Variants in GBA2 observed in about 807,000 individuals in gnomAD.
The protein encoded by GBA2 is glucosylceramidase beta 2, also known as non-lysosomal glucosylceramidase.
Under a neutral mutation model 112.9 loss-of-function variants are expected in GBA2, and 79 were observed. That is an observed-to-expected ratio of 0.70 (90% CI 0.58 to 0.84). GBA2 has a LOEUF of 0.84. Among genes scored for constraint, GBA2 ranks in the 40% least tolerant of loss-of-function variants. GBA2 has a pLI of 0.00. For synonymous variants in GBA2, 403 were observed against 434.3 expected (o/e 0.93, Z 0.90); for missense variants, 1,043 against 1,190.0 (o/e 0.88, Z 1.82).
chr9:35,741,706 C>T lies in GBA2; in HGVS notation c.752G>A (p.Arg251His), dbSNP rs769204863. 48 of 1,613,110 alleles carry T rather than the reference C, an allele frequency of 3.0e-5. No individual in the cohort carries two copies. The highest frequency in any genetic ancestry group is 1.6e-4 in the Middle Eastern group (1 of 6,084). Residue 251 changes from arginine (R) to histidine (H), a missense_variant, in exon 4 of 17, where the codon CGT (arginine) becomes CAT (histidine). Transcript: ENST00000378103. The surrounding 1 kb of genome is among the most constrained non-coding windows in gnomAD (Gnocchi z 4.6). The stretch of plus-strand genomic sequence containing the variant: ...ATGGGGCAAGATGGGTGTGATCTGA[C>T]GGCAGGTGAGGGTGACATTCTGGCC... ...LPGQNVTLTC[R>H]QITPILPHDY... is the part of the protein sequence containing the mutation.
Position 35,738,102 on chromosome 9 carries a change from T to A in GBA2, c.2248A>T (p.Met750Leu). Reference sequence around the variant, plus strand: ...CACTGTCCAGCACACTGGTCAGACATAACACTACGAGACTGAGGCCGAGAG... The same window carrying A: ...CACTGTCCAGCACACTGGTCAGACAAAACACTACGAGACTGAGGCCGAGAG... Reference protein sequence around the residue: ...SSSRPQSRSVMSDQCAGQWFL... With the variant: ...SSSRPQSRSVLSDQCAGQWFL... The change falls in exon 15 of 17, where the codon ATG (methionine) becomes TTG (leucine). Residue 750 changes from methionine (M) to leucine (L), a missense_variant. Physicochemically the swap from Met to Leu is conservative, Grantham distance 15. Coordinates refer to ENST00000378103, the MANE Select transcript of GBA2 (RefSeq NM_020944.3). 5.0e-6 allele frequency: 8 copies of A among 1,613,994 alleles called. No individual in the cohort carries two copies. Among genetic ancestry groups the A allele is most frequent in the Non-Finnish European group, 6.8e-6 (8 of 1,179,880 alleles).
Position 35,740,449 on chromosome 9 carries a change from T to A in GBA2, c.1129+77A>T. 1 of 1,558,526 alleles carries A rather than the reference T, an allele frequency of 6.4e-7. No individual in the cohort carries two copies. Among genetic ancestry groups the A allele is most frequent in the Non-Finnish European group, 8.8e-7 (1 of 1,133,816 alleles). On this transcript the variant is annotated intron_variant, in intron 6 of 16. Transcript: ENST00000378103. This position sits in a 1 kb window ranked among gnomAD's most constrained non-coding sequence, Gnocchi z 4.7. ...TAACATGGAAACAAGGCCTACTTAT[T>A]ACCAGGCCTCCCACCCCTGGTCCCA...
Position 35,738,223 on chromosome 9 carries a change from C to G in GBA2, c.2197+9G>C, listed in dbSNP as rs762268946. 2 of 1,614,050 alleles carry G rather than the reference C, an allele frequency of 1.2e-6. No homozygotes were observed. Among genetic ancestry groups the G allele is most frequent in the East Asian group, 2.2e-5 (1 of 44,892 alleles). ...CTGCCTTAAGACTACTTAGGCTCCC[C>G]GAACTCACCATTCCACAGCAGTCTC... On this transcript the variant is annotated intron_variant, in intron 14 of 16. Transcript: ENST00000378103.
chr9:35,745,366 C>T (rs1826919785), intron 1 of GBA2, among the ~76,000 whole-genome samples: 1 of 152,018 alleles, frequency 6.6e-6, no homozygotes, highest in South Asian at 2.1e-4. Context: ...CTCAGGTGAT[C>T]CGCCCGCCTC....
At position 35,739,009 on chromosome 9, in the gene GBA2, C is replaced by T; in HGVS notation, c.1788G>A (p.Gly596=). ...CTTGGGGTGGACTTTTACCTGGGTCCCCAATATCATGGGGGATGACGTTCC... is the reference window on the plus strand; with the variant it reads ...CTTGGGGTGGACTTTTACCTGGGTCTCCAATATCATGGGGGATGACGTTCC... ...KRRNVIPHDI[G]DPDDEPWLRV... is the part of the protein sequence containing the mutation. The change falls in exon 11 of 17, where the codon GGG becomes GGA. Residue 596 remains glycine (G), a synonymous_variant. Coordinates refer to ENST00000378103, the MANE Select transcript of GBA2 (RefSeq NM_020944.3). 1.2e-6 allele frequency: 2 copies of T among 1,611,778 alleles called. No individual in the cohort carries two copies. The highest frequency in any genetic ancestry group is 1.7e-6 in the Non-Finnish European group (2 of 1,178,094).
At position 35,738,850 on chromosome 9, in the gene GBA2, A is replaced by G. The variant is rs766623252; in HGVS notation, c.1849T>C (p.Trp617Arg). The change falls in exon 12 of 17, where the codon TGG becomes CGG. Residue 617 changes from tryptophan to arginine, a missense_variant. Coordinates refer to ENST00000378103, the MANE Select transcript of GBA2 (RefSeq NM_020944.3). ...NAYLIHDTAD[W>R]KDLNLKFVLQ... ...ACAAACTTCAGGTTCAGGTCCTTCCAATCAGCAGTATCATGGATTAAATAT... is the reference window on the plus strand; with the variant it reads ...ACAAACTTCAGGTTCAGGTCCTTCCGATCAGCAGTATCATGGATTAAATAT... 6.2e-7 allele frequency: 1 copy of G among 1,614,020 alleles called. No homozygotes were observed. The highest frequency in any genetic ancestry group is 8.5e-7 in the Non-Finnish European group (1 of 1,179,852).
chr9:35,743,949 C>T (rs1826838733), intron 3 of GBA2, among the ~76,000 whole-genome samples: 1 of 152,014 alleles, frequency 6.6e-6, no homozygotes, highest in South Asian at 2.1e-4. Flanking sequence ...TTTTCCCTTC[C>T]AGTCCTACAA....
At position 35,741,662 on chromosome 9, in the gene GBA2, G is replaced by C; in HGVS notation, c.786+10C>G. 1 of 1,525,598 alleles carries C rather than the reference G, an allele frequency of 6.6e-7. No individual in the cohort carries two copies. Among genetic ancestry groups the C allele is most frequent in the Non-Finnish European group, 9.1e-7 (1 of 1,099,342 alleles). 94.5% of individuals were successfully genotyped at this position (1,525,598 alleles called of 1,614,324 possible). A position where few individuals can be genotyped will look rare whatever the true frequency, so the allele number is the denominator to read the frequency against. On this transcript the variant is annotated intron_variant, in intron 4 of 16. Transcript: ENST00000378103. This position sits in a 1 kb window ranked among gnomAD's most constrained non-coding sequence, Gnocchi z 4.6. ...GAGGGCAATGGAAGATACAGATGTG[G>C]GGGCCTCACCTGGTAGTCATGGGGC...
intron 1 of GBA2, among the ~76,000 whole-genome samples, chr9:35,747,245 G>T (rs1226104918): frequency 6.6e-6 from 1 of 152,156 alleles, no homozygotes; most frequent in African/African-American, 2.4e-5. Flanking sequence ...AGGCTAGGAT[G>T]CCCATCTTTT....
Position 35,737,567 on chromosome 9 carries a change from A to AT in GBA2, c.2506-121dup. ...AAGGAGCTCCCAGCAAGTGGAGGAG[A>AT]TAACTATGACCCACAGACAGAAGCC... On this transcript the variant is annotated intron_variant, in intron 16 of 16. Transcript: ENST00000378103. The surrounding 1 kb of genome is among the most constrained non-coding windows in gnomAD (Gnocchi z 4.1). 6.4e-7 allele frequency: 1 copy of AT among 1,556,778 alleles called. No homozygotes were observed. The highest frequency in any genetic ancestry group is 8.7e-7 in the Non-Finnish European group (1 of 1,148,586).
chr9:35,741,197 A>T lies in GBA2; in HGVS notation c.787-133T>A. 1 of 933,248 alleles carries T rather than the reference A, an allele frequency of 1.1e-6. No individual in the cohort carries two copies. Among genetic ancestry groups the T allele is most frequent in the South Asian group, 1.7e-5 (1 of 60,208 alleles). 57.8% of individuals were successfully genotyped at this position (933,248 alleles called of 1,614,324 possible). A position where few individuals can be genotyped will look rare whatever the true frequency, so the allele number is the denominator to read the frequency against. On this transcript the variant is annotated intron_variant, in intron 4 of 16. Transcript: ENST00000378103. The surrounding 1 kb of genome is among the most constrained non-coding windows in gnomAD (Gnocchi z 4.6). ...GTGTACTCTTCTTTTGTCCACTTGC[A>T]TCTCCCCATATTCCCAGGCAAGCTG...
At position 35,748,434 on chromosome 9, in the gene GBA2, C is replaced by A. The variant is rs775188360; in HGVS notation, c.271G>T (p.Ala91Ser). 1 of 1,614,172 alleles carries A rather than the reference C, an allele frequency of 6.2e-7. No homozygotes were observed. The highest frequency in any genetic ancestry group is 1.1e-5 in the South Asian group (1 of 91,080). Residue 91 changes from alanine (A) to serine (S), a missense_variant, in exon 1 of 17, where the codon GCT (alanine) becomes TCT (serine). Transcript: ENST00000378103. ...TTCCTCTTCTCTGTAAACTCATGAGCCAGACAGATGCGCCAGCCAAAGGGA... is the reference window on the plus strand; with the variant it reads ...TTCCTCTTCTCTGTAAACTCATGAGACAGACAGATGCGCCAGCCAAAGGGA... ...VPPFGWRICL[A>S]HEFTEKRKPF...
At chr9:35,744,479 A>T in intron 2 of GBA2, 67 bp from the exon 3 acceptor site, 1 of 1,102,304 alleles carries the variant, frequency 9.1e-7, no homozygotes, top group Non-Finnish European at 1.4e-6. Context: ...AACTTTCTAG[A>T]CTATAAAGCC....
In GBA2 at chr9:35,740,511, C is replaced by A; in HGVS notation, c.1129+15G>T. 1 of 1,596,708 alleles carries A rather than the reference C, an allele frequency of 6.3e-7. No individual in the cohort carries two copies. The highest frequency in any genetic ancestry group is 1.1e-5 in the South Asian group (1 of 90,608). On this transcript the variant is annotated intron_variant, in intron 6 of 16. Coordinates refer to ENST00000378103, the MANE Select transcript of GBA2 (RefSeq NM_020944.3). This position sits in a 1 kb window ranked among gnomAD's most constrained non-coding sequence, Gnocchi z 4.7. ...ACCTCTCTTCCCACCATCTCCCAGTCAGACCCCCCATCACCAGTGGGAGAG... is the reference window on the plus strand; with the variant it reads ...ACCTCTCTTCCCACCATCTCCCAGTAAGACCCCCCATCACCAGTGGGAGAG...
chr9:35,738,671 G>C (rs762440059), intron 12 of GBA2, 39 bp from the exon 13 acceptor site: 1 of 1,601,666 alleles, frequency 6.2e-7, no homozygotes, highest in East Asian at 2.2e-5. Context: ...TAGGTACCGA[G>C]GAAAGGCAAC....
Position 35,740,074 on chromosome 9 carries a change from T to C in GBA2, c.1333A>G (p.Ser445Gly), listed in dbSNP as rs760410155. 1.9e-6 allele frequency: 3 copies of C among 1,614,108 alleles called. No homozygotes were observed. In the South Asian group the frequency reaches 3.3e-5, roughly 18 times the overall value. The change falls in exon 8 of 17, where the codon AGC becomes GGC. Residue 445 changes from serine to glycine, a missense_variant. Physicochemically the swap from Ser to Gly is moderately conservative, Grantham distance 56 (BLOSUM62 0). Coordinates refer to ENST00000378103, the MANE Select transcript of GBA2 (RefSeq NM_020944.3). The surrounding 1 kb of genome is among the most constrained non-coding windows in gnomAD (Gnocchi z 4.7). ...GCGTATCGGCACAGTGCATAGTGGCTGAGGGCAGGTGCTGCATCTCCATCC... is the reference window on the plus strand; with the variant it reads ...GCGTATCGGCACAGTGCATAGTGGCCGAGGGCAGGTGCTGCATCTCCATCC... ...GQDGDAAPAL[S>G]HYALCRYAEW...
rs190915098 is a variant in GBA2 at position 35,747,024 on chromosome 9, C to T, written c.359+1322G>A. Among the ~76,000 whole-genome samples, 175 of 152,218 alleles carry T rather than the reference C, an allele frequency of 1.1e-3. 2 individuals are homozygous for T. Among genetic ancestry groups the T allele is most frequent in the African/African-American group, 4.0e-3 (166 of 41,514 alleles). On this transcript the variant is annotated intron_variant, in intron 1 of 16. Transcript: ENST00000378103. ...TAATATGGTAGCTGGCCATTCCTGA[C>T]CTATTTGGCCTTCTCCACAATTTCA...
At chr9:35,744,493 T>C (rs1028052117) in intron 2 of GBA2, 81 bp from the exon 3 acceptor site, 37 of 1,073,912 alleles carry the variant, frequency 3.4e-5, no homozygotes, top group Non-Finnish European at 5.1e-5. Flanking sequence ...TAAAGCCTGG[T>C]TCCTCTGAAA....
At position 35,748,326 on chromosome 9, in the gene GBA2, A is replaced by T; in HGVS notation, c.359+20T>A. On this transcript the variant is annotated intron_variant, in intron 1 of 16. Coordinates refer to ENST00000378103, the MANE Select transcript of GBA2 (RefSeq NM_020944.3). ...AACAAAGTGAAGCCAAAGGCATTCTAGGCAATGGGGTCTACTCACCTCAAG... is the reference window on the plus strand; with the variant it reads ...AACAAAGTGAAGCCAAAGGCATTCTTGGCAATGGGGTCTACTCACCTCAAG... The T allele has an allele frequency of 6.9e-7, 1 of 1,440,136 alleles. No individual in the cohort carries two copies. Among genetic ancestry groups the T allele is most frequent in the Non-Finnish European group, 9.6e-7 (1 of 1,039,586 alleles). 89.2% of individuals were successfully genotyped at this position (1,440,136 alleles called of 1,614,324 possible). A position where few individuals can be genotyped will look rare whatever the true frequency, so the allele number is the denominator to read the frequency against.
Sources: allele counts gnomAD v4.1 joint callset (sites outside exome capture counted in the v4.1 genomes callset), GRCh38; gene constraint gnomAD v4.1.1; non-coding constraint Gnocchi (gnomAD v3.1); transcripts MANE v1.5; gene names NCBI Gene and HGNC (gene_info 2026-07-23, HGNC 2026-07-21).